The following NHEJ1 variants were observed in gnomAD, a reference collection of about 807,000 sequenced individuals.
NHEJ1 encodes the protein non-homologous end joining factor 1.
Under a neutral mutation model 39.4 loss-of-function variants are expected in NHEJ1, and 22 were observed. That is an observed-to-expected ratio of 0.56 (90% CI 0.40 to 0.80). The LOEUF (loss-of-function observed/expected upper bound fraction) is 0.80, where lower values mean the gene tolerates loss of function less well. Among genes scored for constraint, NHEJ1 ranks in the 30% least tolerant of loss-of-function variants. The pLI is 0.00. For missense variants in NHEJ1, 329 were observed against 357.1 expected, an observed-to-expected ratio of 0.92 and a Z score of 0.63; for synonymous variants, 154 against 135.6, an observed-to-expected ratio of 1.14 and a Z score of -0.94.
intron 5 of NHEJ1, among the ~76,000 whole-genome samples, chr2:219,085,850 A>G (rs1335675455): frequency 6.6e-6 from 1 of 152,110 alleles, no homozygotes; most frequent in African/African-American, 2.4e-5. Flanking sequence ...TCAAAATGAG[A>G]TAATTTTGCT....
At chr2:219,159,588 C>CATATATATATATGCAT (rs1559206415) in intron 1 of NHEJ1, among the ~76,000 whole-genome samples, 23 of 69,538 alleles carry the variant, frequency 3.3e-4, no homozygotes, top group African/African-American at 1.7e-3. Flanking sequence ...TATATATATG[C>CATATATATATATGCAT]ATATATATAT....
Position 219,070,472 on chromosome 2 carries a change from G to A in NHEJ1, c.*5909C>T, listed in dbSNP as rs976830371. On this transcript the variant is annotated 3_prime_UTR_variant, in exon 8 of 8. Transcript: ENST00000356853. ...CTCCCAAAGTGCTGGGATTACAGGC[G>A]TGAGCCACTGCGCCTGGCCCACCAC... 1.4e-4 allele frequency among the ~76,000 whole-genome samples: 22 copies of A among 152,292 alleles called. No individual in the cohort carries two copies. Among genetic ancestry groups the A allele is most frequent in the East Asian group, 3.9e-4 (2 of 5,176 alleles).
intron 5 of NHEJ1, chr2:219,124,550 C>A: frequency 6.5e-6 from 1 of 152,972 alleles, no homozygotes; most frequent in Non-Finnish European, 1.5e-5. Flanking sequence ...CCTTCTCCCA[C>A]ACCGCCCCTC....
intron 5 of NHEJ1, among the ~76,000 whole-genome samples, chr2:219,121,114 C>A (rs572952115): frequency 6.6e-6 from 1 of 151,838 alleles, no homozygotes; most frequent in Admixed American, 6.6e-5. Context: ...GCTAAGGCAC[C>A]AGAATCACTT....
In NHEJ1 at chr2:219,073,866, C is replaced by T. The variant is rs1175119934; in HGVS notation, c.*2515G>A. Among the ~76,000 whole-genome samples, 8 of 152,172 alleles carry T rather than the reference C, an allele frequency of 5.3e-5. No individual in the cohort carries two copies. The highest frequency in any genetic ancestry group is 6.5e-5 in the Admixed American group (1 of 15,282). ...AATTTATGGAGCAGCCACGAGAATT[C>T]GACCCTTTTATGTGCATGTAGAGTG... On this transcript the variant is annotated 3_prime_UTR_variant, in exon 8 of 8. Coordinates refer to ENST00000356853, the MANE Select transcript of NHEJ1 (RefSeq NM_024782.3).
At chr2:219,109,698 T>G (rs557369445) in intron 5 of NHEJ1, among the ~76,000 whole-genome samples, 1 of 152,044 alleles carries the variant, frequency 6.6e-6, no homozygotes, top group Non-Finnish European at 1.5e-5. Context: ...TGGGAGTATA[T>G]ATGAGGTAGG....
rs375778719 is a variant in NHEJ1, at chr2:219,078,092, C to T, written c.703G>A (p.Ala235Thr). Residue 235 changes from alanine to threonine, a missense_variant, in exon 6 of 8, where the codon GCT (alanine) becomes ACT (threonine). Ala to Thr is a moderately conservative substitution (Grantham distance 58). Coordinates refer to ENST00000356853, the MANE Select transcript of NHEJ1 (RefSeq NM_024782.3). ...EVQVGQKHQG[A>T]GDPHTSNSAS... ...CGGGTACCTCTGGAGGGCTCACCAG[C>T]GCCTTGATGCTTCTGTCCCACTTGG... 3.5e-5 allele frequency: 57 copies of T among 1,612,194 alleles called. No individual in the cohort carries two copies. The South Asian group carries it at 4.0e-4, about 11-fold the overall frequency.
chr2:219,090,405 A>G (rs1949149992), intron 5 of NHEJ1, among the ~76,000 whole-genome samples: 1 of 152,238 alleles, frequency 6.6e-6, no homozygotes, highest in African/African-American at 2.4e-5. Context: ...AGTTCTCCCT[A>G]TAGTGCCTGG....
chr2:219,094,537 C>T (rs1250939841), intron 5 of NHEJ1, among the ~76,000 whole-genome samples: 2 of 152,206 alleles, frequency 1.3e-5, no homozygotes, highest in African/African-American at 2.4e-5. Context: ...AGAATCTCTT[C>T]ATCCCTGTCC....
rs989324268 is a variant in NHEJ1, at chr2:219,070,934, G to A, written c.*5447C>T. ...TGAAACAAAATCTAAATTATTACCA[G>A]CTCTGCCTTCCACAACTAGTGCCTC... On this transcript the variant is annotated 3_prime_UTR_variant, in exon 8 of 8. Transcript: ENST00000356853. 7.9e-5 allele frequency among the ~76,000 whole-genome samples: 12 copies of A among 152,262 alleles called. No homozygotes were observed. Among genetic ancestry groups the A allele is most frequent in the African/African-American group, 2.9e-4 (12 of 41,542 alleles).
At chr2:219,158,434 G>T in intron 1 of NHEJ1, 72 bp from the exon 2 acceptor site, 2 of 1,422,000 alleles carry the variant, frequency 1.4e-6, no homozygotes, top group Non-Finnish European at 2.0e-6. Context: ...ACCCAAACCA[G>T]TCTGTATCAA....
intron 5 of NHEJ1, among the ~76,000 whole-genome samples, chr2:219,113,482 C>T (rs1370260344): frequency 6.6e-6 from 1 of 152,190 alleles, no homozygotes; most frequent in East Asian, 1.9e-4. Context: ...TTTTTACCAT[C>T]AAGAACTTAT....
intron 5 of NHEJ1, among the ~76,000 whole-genome samples, chr2:219,091,211 G>A (rs927841141): frequency 2.0e-5 from 3 of 152,026 alleles, no homozygotes; most frequent in African/African-American, 7.2e-5. Flanking sequence ...AGTTAGATAG[G>A]AGCCTTTGGC....
chr2:219,078,965 A>T (rs1297701584), intron 5 of NHEJ1, among the ~76,000 whole-genome samples: 1 of 152,250 alleles, frequency 6.6e-6, no homozygotes, highest in Non-Finnish European at 1.5e-5. Flanking sequence ...AAATGTCTTA[A>T]AAGGTTCCTT....
chr2:219,154,453 G>A (rs1949830201), intron 3 of NHEJ1, among the ~76,000 whole-genome samples: 1 of 152,146 alleles, frequency 6.6e-6, no homozygotes, highest in South Asian at 2.1e-4. Flanking sequence ...TGTTTGAAAT[G>A]TTTGCCTTTT....
chr2:219,078,447 T>C (rs1949034375), intron 5 of NHEJ1, among the ~76,000 whole-genome samples: 1 of 152,244 alleles, frequency 6.6e-6, no homozygotes, highest in South Asian at 2.1e-4. Flanking sequence ...CTATTATGTT[T>C]TCCCATGAAT....
intron 5 of NHEJ1, among the ~76,000 whole-genome samples, chr2:219,093,289 C>T (rs570570080): frequency 2.6e-5 from 4 of 152,152 alleles, no homozygotes; most frequent in South Asian, 2.1e-4. Context: ...ACAGTGAACT[C>T]GTAGGAGCCA....
chr2:219,114,535 AG>A (rs1221995181), intron 5 of NHEJ1, among the ~76,000 whole-genome samples: 1 of 152,192 alleles, frequency 6.6e-6, no homozygotes, highest in African/African-American at 2.4e-5. Context: ...GGCCTACAAG[AG>A]GTAATGCTTA....
rs1949023139 is a variant in NHEJ1 at position 219,077,300 on chromosome 2, T to C, written c.771A>G (p.Pro257=). ...TTGGGGCTGAGGAGACCAGTTGTTC[T>C]GGCTGGTTTACACATTGGCTATCGA... ...QGIDSQCVNQ[P]EQLVSSAPTL... Residue 257 remains proline (P), a synonymous_variant, in exon 7 of 8, where the codon CCA becomes CCG. Transcript: ENST00000356853. 1 of 1,614,026 alleles carries C rather than the reference T, an allele frequency of 6.2e-7. No individual in the cohort carries two copies. The highest frequency in any genetic ancestry group is 8.5e-7 in the Non-Finnish European group (1 of 1,180,002).
Sources: allele counts gnomAD v4.1 joint callset (sites outside exome capture counted in the v4.1 genomes callset), GRCh38; gene constraint gnomAD v4.1.1; transcripts MANE v1.5; gene names NCBI Gene and HGNC (gene_info 2026-07-23, HGNC 2026-07-21).